Variants in NEMP2 observed in about 807,000 individuals in gnomAD.
The protein encoded by NEMP2 is UPF0571 transmembrane protein.
Under a neutral mutation model 54.2 loss-of-function variants are expected in NEMP2, and 53 were observed. That is an observed-to-expected ratio of 0.98 (90% CI 0.78 to 1.23). The LOEUF is 1.23. NEMP2 is among the 50% of genes most tolerant of loss of function. The pLI is 0.00. For synonymous variants in NEMP2, 197 were observed against 190.3 expected (o/e 1.04, Z -0.29); for missense variants, 455 against 511.3 (o/e 0.89, Z 1.06).
the NEMP2 span, among the ~76,000 whole-genome samples, chr2:190,584,903 GAAAGA>G: frequency 1.2e-4 from 1 of 8,368 alleles, no homozygotes; most frequent in Non-Finnish European, 3.1e-4. The surrounding 1 kb of genome is among the most constrained non-coding windows in gnomAD (Gnocchi z 4.2). Flanking sequence ...AACAATGAAA[GAAAGA>G]AAGAAAGAAA....
chr2:190,519,745 C>T lies in NEMP2; in HGVS notation c.214-562G>A, dbSNP rs145720970. Among the ~76,000 whole-genome samples the T allele has an allele frequency of 9.2e-5, 14 of 152,304 alleles. No individual in the cohort carries two copies. The East Asian group carries it at 2.7e-3, about 29-fold the overall frequency. ...TGGCTGATTTAAGTCCCTCTTCTAG[C>T]AAGTTATTGTGGCCAAGAGACATTA... On this transcript the variant is annotated intron_variant, in intron 2 of 8. Coordinates refer to ENST00000409150, the MANE Select transcript of NEMP2 (RefSeq NM_001142645.2). This position sits in a 1 kb window ranked among gnomAD's most constrained non-coding sequence, Gnocchi z 5.4.
At chr2:190,459,068 ACCTG>A in the NEMP2 span, among the ~76,000 whole-genome samples, 1 of 152,092 alleles carries the variant, frequency 6.6e-6, no homozygotes. The surrounding 1 kb of genome is among the most constrained non-coding windows in gnomAD (Gnocchi z 5.3). Flanking sequence ...CTTGAGTCTC[ACCTG>A]CAGCTTTGCT....
At chr2:190,643,429 T>A in the NEMP2 span, among the ~76,000 whole-genome samples, 1 of 152,194 alleles carries the variant, frequency 6.6e-6, no homozygotes, top group Non-Finnish European at 1.5e-5. Flanking sequence ...CTTAGAGCTA[T>A]CTGTTTAATG....
chr2:190,591,027 A>G, the NEMP2 span, among the ~76,000 whole-genome samples: 8 of 152,198 alleles, frequency 5.3e-5, no homozygotes, highest in Non-Finnish European at 8.8e-5. This position sits in a 1 kb window ranked among gnomAD's most constrained non-coding sequence, Gnocchi z 5.4. Flanking sequence ...ACTGACAGTG[A>G]TAACTTTGTG....
chr2:190,626,629 G>A, the NEMP2 span: 1 of 152,270 alleles, frequency 6.6e-6, no homozygotes, highest in African/African-American at 2.4e-5. The surrounding 1 kb of genome is among the most constrained non-coding windows in gnomAD (Gnocchi z 4.5). Flanking sequence ...ACAGCTGCAG[G>A]TCAGACAACC....
chr2:190,444,423 C>T, the NEMP2 span, among the ~76,000 whole-genome samples: 3 of 152,200 alleles, frequency 2.0e-5, no homozygotes, highest in African/African-American at 7.2e-5. Flanking sequence ...ACTGTAATAT[C>T]AGTGTCAGTT....
At position 190,518,735 on chromosome 2, in the gene NEMP2, C is replaced by G. The variant is rs1433925546; in HGVS notation, c.518+1G>C. The stretch of plus-strand genomic sequence containing the variant: ...TTAAAAATATAAAAAGGAATACTTA[C>G]TGACTCAGGGTCCTTGCATAAAAGA... On this transcript the variant is annotated splice_donor_variant, in intron 4 of 8. Coordinates refer to ENST00000409150, the MANE Select transcript of NEMP2 (RefSeq NM_001142645.2). LOFTEE classifies it high-confidence loss of function. 1 of 1,530,666 alleles carries G rather than the reference C, an allele frequency of 6.5e-7. No homozygotes were observed. Among genetic ancestry groups the G allele is most frequent in the South Asian group, 1.3e-5 (1 of 78,882 alleles). 94.8% of individuals were successfully genotyped at this position (1,530,666 alleles called of 1,614,324 possible).
the NEMP2 span, among the ~76,000 whole-genome samples, chr2:190,572,038 G>A: frequency 6.6e-6 from 1 of 152,214 alleles, no homozygotes; most frequent in South Asian, 2.1e-4. Context: ...TGCCCAAATT[G>A]GGGCCATTCA....
the NEMP2 span, among the ~76,000 whole-genome samples, chr2:190,627,457 A>C: frequency 6.6e-6 from 1 of 152,234 alleles, no homozygotes; most frequent in African/African-American, 2.4e-5. The surrounding 1 kb of genome is among the most constrained non-coding windows in gnomAD (Gnocchi z 4.4). Flanking sequence ...GGGAATTTCT[A>C]TAAGTGTTCA....
the NEMP2 span, among the ~76,000 whole-genome samples, chr2:190,484,484 A>G: frequency 3.3e-5 from 5 of 152,342 alleles, no homozygotes; most frequent in East Asian, 9.6e-4. Flanking sequence ...TCGGTAGCAC[A>G]ATTCCTAAGA....
chr2:190,584,577 T>C, the NEMP2 span, among the ~76,000 whole-genome samples: 1 of 152,062 alleles, frequency 6.6e-6, no homozygotes. This position sits in a 1 kb window ranked among gnomAD's most constrained non-coding sequence, Gnocchi z 4.2. Context: ...AATTTGTTAA[T>C]ATAAAGAAAA....
the NEMP2 span, among the ~76,000 whole-genome samples, chr2:190,571,457 C>T: frequency 6.6e-6 from 1 of 152,010 alleles, no homozygotes; most frequent in African/African-American, 2.4e-5. Context: ...GCAGGAGAAT[C>T]GCTCGAACTC....
At chr2:190,454,306 A>G in the NEMP2 span, 1 of 152,150 alleles carries the variant, frequency 6.6e-6, no homozygotes, top group African/African-American at 2.4e-5. The surrounding 1 kb of genome is among the most constrained non-coding windows in gnomAD (Gnocchi z 4.6). Flanking sequence ...GAGTGAAGGT[A>G]TTAAAGATAG....
the NEMP2 span, among the ~76,000 whole-genome samples, chr2:190,598,133 C>T: frequency 6.6e-6 from 1 of 152,128 alleles, no homozygotes; most frequent in Admixed American, 6.6e-5. Flanking sequence ...CTCTCCCTAC[C>T]GACAACCCCC....
the NEMP2 span, among the ~76,000 whole-genome samples, chr2:190,599,765 A>T: frequency 0.023 from 3,517 of 152,202 alleles, 137 homozygotes; most frequent in African/African-American, 0.078. Flanking sequence ...GGTGTCTGTT[A>T]CCTATAGCAG....
chr2:190,518,608 C>A (rs1220148909), intron 4 of NEMP2, 128 bp downstream of exon 4: 5 of 709,588 alleles, frequency 7.0e-6, no homozygotes, highest in Admixed American at 3.4e-5. Context: ...ATCTTCAGAC[C>A]TATTGTTTGC....
chr2:190,614,770 T>A, the NEMP2 span, among the ~76,000 whole-genome samples: 2 of 152,148 alleles, frequency 1.3e-5, no homozygotes, highest in Non-Finnish European at 2.9e-5. The surrounding 1 kb of genome is among the most constrained non-coding windows in gnomAD (Gnocchi z 5.7). Flanking sequence ...AAAGCAGGTG[T>A]ATGAGCAAGC....
At chr2:190,473,612 C>G in the NEMP2 span, among the ~76,000 whole-genome samples, 27 of 152,144 alleles carry the variant, frequency 1.8e-4, no homozygotes, top group African/African-American at 6.0e-4. Flanking sequence ...GACTCCCACA[C>G]AATAATAATT....
Position 190,509,217 on chromosome 2 carries a change from T to G in NEMP2, c.1226A>C (p.Glu409Ala), listed in dbSNP as rs532056658. ...QYGLGGAFLE[E>A]QLFNPSTA ...GGCAGTACTCGGGTTAAAGAGCTGC[T>G]CTTCCAAGAAGGCACCCCCAAGGCC... Residue 409 changes from glutamate to alanine, a missense_variant, in exon 9 of 9, where the codon GAG (glutamate) becomes GCG (alanine). By Grantham distance (107) the Glu-to-Ala change is moderately radical (BLOSUM62 -1). Transcript: ENST00000409150. The surrounding 1 kb of genome is among the most constrained non-coding windows in gnomAD (Gnocchi z 6.1). The G allele has an allele frequency of 4.5e-6, 7 of 1,551,722 alleles. No homozygotes were observed. The South Asian group carries it at 7.1e-5, about 16-fold the overall frequency.
Sources: gnomAD v4.1 joint callset for allele counts (sites outside exome capture counted in the v4.1 genomes callset) on GRCh38, gnomAD v4.1.1 for gene constraint, Gnocchi (gnomAD v3.1) non-coding constraint, MANE v1.5 for transcripts, NCBI Gene and HGNC (gene_info 2026-07-23, HGNC 2026-07-21) for gene names.